ALCAM: variants seen among roughly 807,000 people sequenced by gnomAD.
ALCAM encodes activated leukocyte cell adhesion molecule.
Under a neutral mutation model 70.9 loss-of-function variants are expected in ALCAM, and 30 were observed. The ratio of observed to expected loss-of-function variants is 0.42; its 90% CI spans 0.32 to 0.57. ALCAM has a LOEUF of 0.57. Among genes scored for constraint, ALCAM ranks in the 20% least tolerant of loss-of-function variants. ALCAM has a pLI of 0.11. For synonymous variants in ALCAM, 249 were observed against 242.5 expected, an observed-to-expected ratio of 1.03 and a Z score of -0.25; for missense variants, 591 against 695.1, an observed-to-expected ratio of 0.85 and a Z score of 1.68.
intron 4 of ALCAM, among the ~76,000 whole-genome samples, chr3:105,532,642 A>G (rs984828104): frequency 5.9e-5 from 9 of 152,076 alleles, no homozygotes; most frequent in Non-Finnish European, 1.3e-4. Context: ...TGAAAGATGA[A>G]TAGATTTTCA....
chr3:105,560,319 G>C (rs537068991), intron 14 of ALCAM, among the ~76,000 whole-genome samples: 1 of 151,986 alleles, frequency 6.6e-6, no homozygotes, highest in African/African-American at 2.4e-5. Context: ...AAATGTATAG[G>C]CTATCTTATA....
intron 14 of ALCAM, among the ~76,000 whole-genome samples, chr3:105,558,727 T>G (rs960328699): frequency 6.6e-6 from 1 of 152,090 alleles, no homozygotes; most frequent in African/African-American, 2.4e-5. Flanking sequence ...AGACTTAGAT[T>G]TAAACTCTCT....
At chr3:105,569,027 A>G (rs982613310) in intron 14 of ALCAM, among the ~76,000 whole-genome samples, 19 of 152,074 alleles carry the variant, frequency 1.2e-4, no homozygotes, top group African/African-American at 4.3e-4. Context: ...TAAAATTGCA[A>G]TTTATATTAT....
At chr3:105,556,992 G>A (rs1274584134) in intron 14 of ALCAM, among the ~76,000 whole-genome samples, 2 of 151,700 alleles carry the variant, frequency 1.3e-5, no homozygotes, top group East Asian at 3.9e-4. Flanking sequence ...AGTCTCAGTG[G>A]GAGTAACCTG....
intron 1 of ALCAM, among the ~76,000 whole-genome samples, chr3:105,438,247 A>G (rs367819777): frequency 2.6e-5 from 4 of 152,038 alleles, no homozygotes; most frequent in African/African-American, 7.2e-5. Flanking sequence ...TGTTTGTACT[A>G]TATTATACAA....
chr3:105,426,495 A>C (rs1023932368), intron 1 of ALCAM, among the ~76,000 whole-genome samples: 8 of 151,918 alleles, frequency 5.3e-5, no homozygotes, highest in African/African-American at 1.9e-4. Context: ...TAGTTTCTTT[A>C]TGATGAGAAT....
At chr3:105,397,101 C>T (rs185531908) in intron 1 of ALCAM, among the ~76,000 whole-genome samples, 41 of 152,100 alleles carry the variant, frequency 2.7e-4, no homozygotes, top group Admixed American at 2.1e-3. Context: ...CAAAGAAATA[C>T]AATAAAGTGT....
In ALCAM at chr3:105,413,994, G is replaced by C. The variant is rs544105999; in HGVS notation, c.73+46513G>C. On this transcript the variant is annotated intron_variant, in intron 1 of 15. Coordinates refer to ENST00000306107, the MANE Select transcript of ALCAM (RefSeq NM_001627.4). ...ATCATGTTCAATGCTGGCAAAGGGGGATGATGAATGTTAATAAATTAGATA... is the reference window on the plus strand; with the variant it reads ...ATCATGTTCAATGCTGGCAAAGGGGCATGATGAATGTTAATAAATTAGATA... 3.9e-4 allele frequency among the ~76,000 whole-genome samples: 60 copies of C among 152,200 alleles called. No homozygotes were observed. In the South Asian group the frequency reaches 0.012, roughly 31 times the overall value.
At chr3:105,498,372 T>A (rs1559811902) in intron 1 of ALCAM, among the ~76,000 whole-genome samples, 1 of 152,120 alleles carries the variant, frequency 6.6e-6, no homozygotes, top group African/African-American at 2.4e-5. Flanking sequence ...TTCTAAAAAG[T>A]AAATGTGTGA....
intron 1 of ALCAM, among the ~76,000 whole-genome samples, chr3:105,372,392 C>T (rs1189508413): frequency 3.3e-5 from 5 of 152,034 alleles, no homozygotes; most frequent in African/African-American, 1.2e-4. Flanking sequence ...TTATATATTT[C>T]AGATAGGCCT....
intron 1 of ALCAM, among the ~76,000 whole-genome samples, chr3:105,510,938 C>A (rs1226469902): frequency 1.3e-5 from 2 of 151,954 alleles, no homozygotes; most frequent in Non-Finnish European, 2.9e-5. Flanking sequence ...TTTGGGAGTA[C>A]TGGAAAATTT....
chr3:105,547,365 T>G, intron 10 of ALCAM, 25 bp from the exon 11 acceptor site: 1 of 1,593,012 alleles, frequency 6.3e-7, no homozygotes, highest in Non-Finnish European at 8.5e-7. Flanking sequence ...CAGTTCAACA[T>G]CTTATTTTAA....
chr3:105,505,298 C>A (rs901547008), intron 1 of ALCAM, among the ~76,000 whole-genome samples: 6 of 152,164 alleles, frequency 3.9e-5, no homozygotes, highest in Non-Finnish European at 8.8e-5. Flanking sequence ...AGGAAACTTG[C>A]AATCGTGGCG....
At chr3:105,411,615 G>C (rs1407629657) in intron 1 of ALCAM, among the ~76,000 whole-genome samples, 1 of 152,036 alleles carries the variant, frequency 6.6e-6, no homozygotes, top group African/African-American at 2.4e-5. Context: ...TCCCATCTTA[G>C]GGAATACTGT....
At chr3:105,419,242 T>A (rs1936584514) in intron 1 of ALCAM, among the ~76,000 whole-genome samples, 1 of 151,806 alleles carries the variant, frequency 6.6e-6, no homozygotes, top group African/African-American at 2.4e-5. Flanking sequence ...AGGAATTGAA[T>A]TTAAAGAATA....
chr3:105,492,442 T>C, intron 1 of ALCAM, among the ~76,000 whole-genome samples: 1 of 152,236 alleles, frequency 6.6e-6, no homozygotes, highest in East Asian at 1.9e-4. Flanking sequence ...CCTTTGTTAA[T>C]GAAGAAACCT....
At chr3:105,512,619 C>T (rs972698800) in intron 1 of ALCAM, among the ~76,000 whole-genome samples, 2 of 151,918 alleles carry the variant, frequency 1.3e-5, no homozygotes, top group South Asian at 2.1e-4. Context: ...TAAGTTTCTA[C>T]ATCTCCAGTT....
intron 1 of ALCAM, among the ~76,000 whole-genome samples, chr3:105,467,680 T>A (rs552532371): frequency 1.2e-4 from 18 of 151,186 alleles, no homozygotes; most frequent in Non-Finnish European, 2.7e-4. Context: ...GTGATTAGGG[T>A]GTGGTTTCTA....
chr3:105,485,292 C>T (rs1938394265), intron 1 of ALCAM, among the ~76,000 whole-genome samples: 1 of 152,060 alleles, frequency 6.6e-6, no homozygotes, highest in South Asian at 2.1e-4. Context: ...CATTGATATA[C>T]ATTTGGAAGA....
Sources: gnomAD v4.1 joint callset for allele counts (sites outside exome capture counted in the v4.1 genomes callset) on GRCh38, gnomAD v4.1.1 for gene constraint, MANE v1.5 for transcripts, NCBI Gene and HGNC (gene_info 2026-07-23, HGNC 2026-07-21) for gene names.